SGCZ: variants seen among roughly 807,000 people sequenced by gnomAD.
SGCZ encodes zeta-sarcoglycan.
SGCZ carries 40 observed loss-of-function variants against 41.3 expected under a neutral mutation model. That is an observed-to-expected ratio of 0.97 (90% CI 0.75 to 1.26). The LOEUF is 1.26. Ranked by LOEUF, SGCZ falls within the 50% of genes most tolerant of loss-of-function variation. SGCZ has a pLI of 0.00. For synonymous variants in SGCZ, 206 were observed against 137.5 expected (o/e 1.50, Z -3.49); for missense variants, 552 against 369.8 (o/e 1.49, Z -4.04).
chr8:14,951,625 A>G (rs1363613809), intron 1 of SGCZ, among the ~76,000 whole-genome samples: 1 of 152,064 alleles, frequency 6.6e-6, no homozygotes, highest in Non-Finnish European at 1.5e-5. Flanking sequence ...CTAATTAATT[A>G]CCAGCATATA....
intron 1 of SGCZ, among the ~76,000 whole-genome samples, chr8:14,754,306 T>C (rs1199354691): frequency 1.3e-5 from 2 of 152,208 alleles, no homozygotes; most frequent in African/African-American, 2.4e-5. Flanking sequence ...CTACTTAGAA[T>C]TGCAGTCTTC....
At chr8:14,257,660 G>A (rs1257614448) in intron 3 of SGCZ, among the ~76,000 whole-genome samples, 1 of 146,994 alleles carries the variant, frequency 6.8e-6, no homozygotes, top group Non-Finnish European at 1.5e-5. Flanking sequence ...AGGCCCAGGT[G>A]TGTGATGTTC....
chr8:14,288,304 T>C (rs1235692300), intron 3 of SGCZ, among the ~76,000 whole-genome samples: 2 of 152,140 alleles, frequency 1.3e-5, no homozygotes, highest in African/African-American at 4.8e-5. Context: ...TACCCTAGAA[T>C]AATTTTAAAG....
intron 1 of SGCZ, among the ~76,000 whole-genome samples, chr8:14,726,077 T>C (rs1310657957): frequency 6.6e-6 from 1 of 151,628 alleles, no homozygotes; most frequent in Non-Finnish European, 1.5e-5. Flanking sequence ...GCTAACACTG[T>C]GAAACCCTGT....
chr8:14,318,743 C>T (rs1442739128), intron 3 of SGCZ, among the ~76,000 whole-genome samples: 1 of 151,964 alleles, frequency 6.6e-6, no homozygotes, highest in South Asian at 2.1e-4. Flanking sequence ...CCCTTTCCAA[C>T]CACAATCTCT....
intron 1 of SGCZ, among the ~76,000 whole-genome samples, chr8:15,236,266 C>T (rs191647159): frequency 6.6e-6 from 1 of 152,192 alleles, no homozygotes; most frequent in African/African-American, 2.4e-5. Context: ...TCTATGCAAT[C>T]TGGGGCGCCT....
rs890245202 is a variant in SGCZ, at chr8:14,089,837, T to A, written c.*606A>T. On this transcript the variant is annotated 3_prime_UTR_variant, in exon 8 of 8. Transcript: ENST00000382080. ...TTAGTAGACAAAGAGTAACAGCACA[T>A]TGAAATTAAAGAAACAGAAGGAAAA... 6.6e-6 allele frequency: 1 copy of A among 152,330 alleles called. No individual in the cohort carries two copies. Among genetic ancestry groups the A allele is most frequent in the Admixed American group, 6.6e-5 (1 of 15,238 alleles). 9.4% of individuals were successfully genotyped at this position (152,330 alleles called of 1,614,324 possible).
chr8:15,109,437 T>C (rs1370763804), intron 1 of SGCZ, among the ~76,000 whole-genome samples: 1 of 152,136 alleles, frequency 6.6e-6, no homozygotes, highest in Non-Finnish European at 1.5e-5. Flanking sequence ...AAAATGTTTA[T>C]ACGAGAAATG....
intron 2 of SGCZ, among the ~76,000 whole-genome samples, chr8:14,527,465 T>C (rs1461861): frequency 0.81 from 123,923 of 152,066 alleles, 51,045 homozygotes; most frequent in African/African-American, 0.95. Context: ...CACACCCTTG[T>C]TAATTTTTAA....
At chr8:14,564,140 C>T (rs1459244411) in intron 1 of SGCZ, among the ~76,000 whole-genome samples, 1 of 151,988 alleles carries the variant, frequency 6.6e-6, no homozygotes, top group Admixed American at 6.6e-5. Context: ...TGAGAAATTG[C>T]TTTTAATTTC....
At chr8:14,835,633 TG>T (rs1473139624) in intron 1 of SGCZ, among the ~76,000 whole-genome samples, 6 of 152,234 alleles carry the variant, frequency 3.9e-5, no homozygotes, top group African/African-American at 9.6e-5. Flanking sequence ...GCTAGACACC[TG>T]TTCTAATTTG....
intron 1 of SGCZ, among the ~76,000 whole-genome samples, chr8:14,730,832 A>G (rs1015918694): frequency 1.3e-5 from 2 of 151,864 alleles, no homozygotes; most frequent in Admixed American, 6.6e-5. Flanking sequence ...ATGAGAAAGA[A>G]TGCTGTAGCA....
intron 2 of SGCZ, among the ~76,000 whole-genome samples, chr8:14,376,562 G>C (rs1379431373): frequency 2.0e-5 from 3 of 152,036 alleles, no homozygotes; most frequent in South Asian, 2.1e-4. Flanking sequence ...ATCAGACCCA[G>C]ATGGTTTTTC....
intron 2 of SGCZ, among the ~76,000 whole-genome samples, chr8:14,392,724 T>C (rs1047383652): frequency 5.9e-5 from 9 of 152,190 alleles, no homozygotes; most frequent in Non-Finnish European, 1.2e-4. Context: ...TAGCAAATTA[T>C]AATAAAACTA....
intron 1 of SGCZ, among the ~76,000 whole-genome samples, chr8:15,102,695 T>C (rs1205011057): frequency 1.3e-5 from 2 of 152,200 alleles, no homozygotes; most frequent in Admixed American, 6.5e-5. Context: ...CAAAATATTC[T>C]ATTGTAAAAA....
At chr8:14,957,247 A>C (rs367862550) in intron 1 of SGCZ, among the ~76,000 whole-genome samples, 1 of 152,148 alleles carries the variant, frequency 6.6e-6, no homozygotes. Context: ...AATATGTATT[A>C]ACATATGCAT....
intron 2 of SGCZ, among the ~76,000 whole-genome samples, chr8:14,352,683 A>G (rs529872273): frequency 9.9e-4 from 150 of 152,214 alleles, no homozygotes; most frequent in Non-Finnish European, 1.6e-3. Flanking sequence ...TTAAAACCCT[A>G]GAAACTTTCT....
intron 7 of SGCZ, among the ~76,000 whole-genome samples, chr8:14,095,450 T>A (rs977489550): frequency 6.6e-6 from 1 of 151,522 alleles, no homozygotes; most frequent in Non-Finnish European, 1.5e-5. Flanking sequence ...ATGGTGTTAT[T>A]TCTGAGGCCG....
At chr8:15,121,929 A>G (rs979928676) in intron 1 of SGCZ, among the ~76,000 whole-genome samples, 9 of 151,398 alleles carry the variant, frequency 5.9e-5, no homozygotes, top group African/African-American at 2.2e-4. Context: ...AGATATGCAG[A>G]CATTTTGGAG....
Sources: gnomAD v4.1 joint callset for allele counts (sites outside exome capture counted in the v4.1 genomes callset) on GRCh38, gnomAD v4.1.1 for gene constraint, MANE v1.5 for transcripts, NCBI Gene and HGNC (gene_info 2026-07-23, HGNC 2026-07-21) for gene names.